The following THSD7A variants were observed in gnomAD, a reference collection of about 807,000 sequenced individuals.
THSD7A encodes the protein thrombospondin type-1 domain-containing protein 7A.
In THSD7A, 96 loss-of-function variants were observed where a neutral mutation model predicts 231.3. The observed-to-expected ratio is 0.41, with a 90% confidence interval of 0.35 to 0.49. THSD7A has a LOEUF of 0.49. Among genes scored for constraint, THSD7A ranks in the 20% least tolerant of loss-of-function variants. THSD7A has a pLI of 0.05. For missense variants in THSD7A, 2,290 were observed against 2,070.2 expected (o/e 1.11, Z -2.06); for synonymous variants, 940 against 743.3 (o/e 1.26, Z -4.30).
At chr7:11,584,028 G>A (rs1791284522) in intron 4 of THSD7A, among the ~76,000 whole-genome samples, 1 of 152,118 alleles carries the variant, frequency 6.6e-6, no homozygotes, top group Non-Finnish European at 1.5e-5. Context: ...GATTAATGAA[G>A]TAATGCAGTA....
At chr7:11,604,674 CTT>C (rs1222189203) in intron 2 of THSD7A, among the ~76,000 whole-genome samples, 1 of 152,096 alleles carries the variant, frequency 6.6e-6, no homozygotes, top group Non-Finnish European at 1.5e-5. Context: ...ATGTTTCTAA[CTT>C]TGGCAATCTT....
intron 1 of THSD7A, among the ~76,000 whole-genome samples, chr7:11,812,171 G>C (rs548088237): frequency 5.9e-5 from 9 of 151,724 alleles, no homozygotes; most frequent in Non-Finnish European, 1.2e-4. Context: ...TGGGGAGAGG[G>C]AGAGAGAGTG....
chr7:11,431,824 A>G (rs1293125472), intron 13 of THSD7A, among the ~76,000 whole-genome samples: 1 of 152,114 alleles, frequency 6.6e-6, no homozygotes, highest in Non-Finnish European at 1.5e-5. Context: ...ATTTCCATTT[A>G]TATAGATCTT....
chr7:11,384,068 G>T (rs1782632342), intron 23 of THSD7A: 1 of 151,808 alleles, frequency 6.6e-6, no homozygotes, highest in Non-Finnish European at 1.5e-5. Context: ...TTTTCCATTT[G>T]TTATGGTGAA....
chr7:11,765,836 C>G (rs1414516827), intron 1 of THSD7A, among the ~76,000 whole-genome samples: 1 of 152,008 alleles, frequency 6.6e-6, no homozygotes, highest in African/African-American at 2.4e-5. Context: ...GAAAATAAAT[C>G]CAATTTTCCT....
intron 11 of THSD7A, among the ~76,000 whole-genome samples, chr7:11,455,514 T>C (rs1171204861): frequency 6.6e-6 from 1 of 152,048 alleles, no homozygotes; most frequent in Non-Finnish European, 1.5e-5. Context: ...TTCAGCATTA[T>C]GCCACTTTTC....
At chr7:11,733,177 T>A (rs1426211330) in intron 1 of THSD7A, among the ~76,000 whole-genome samples, 1 of 151,866 alleles carries the variant, frequency 6.6e-6, no homozygotes, top group Non-Finnish European at 1.5e-5. Context: ...AATCAGTGAA[T>A]TGGTGTTTCC....
chr7:11,423,370 A>ATTT (rs757122867), intron 16 of THSD7A, among the ~76,000 whole-genome samples: 45,653 of 135,932 alleles, frequency 0.34, 7,928 homozygotes, highest in Admixed American at 0.38. Context: ...CGAGTGCTGG[A>ATTT]TTTTTTTTTT....
intron 1 of THSD7A, among the ~76,000 whole-genome samples, chr7:11,795,240 C>T (rs567615933): frequency 6.6e-6 from 1 of 151,990 alleles, no homozygotes; most frequent in African/African-American, 2.4e-5. Context: ...CATATACAAA[C>T]ATGTGTGCAC....
At chr7:11,468,855 GAAT>G (rs1785818779) in intron 9 of THSD7A, among the ~76,000 whole-genome samples, 1 of 151,688 alleles carries the variant, frequency 6.6e-6, no homozygotes, top group South Asian at 2.1e-4. Context: ...ATAAAATAAA[GAAT>G]AATAATAATT....
At chr7:11,679,169 C>G (rs757810791) in intron 1 of THSD7A, among the ~76,000 whole-genome samples, 15 of 152,150 alleles carry the variant, frequency 9.9e-5, no homozygotes, top group Admixed American at 2.6e-4. Flanking sequence ...TAAAAACACT[C>G]AATAAACAAG....
intron 1 of THSD7A, among the ~76,000 whole-genome samples, chr7:11,823,931 G>A (rs1208676638): frequency 6.6e-6 from 1 of 151,686 alleles, no homozygotes. Context: ...CACCAAGAAA[G>A]ACAGACAAGA....
intron 2 of THSD7A, among the ~76,000 whole-genome samples, chr7:11,609,501 G>C (rs1323200140): frequency 6.6e-6 from 1 of 152,218 alleles, no homozygotes; most frequent in African/African-American, 2.4e-5. Context: ...GGCTGACAAA[G>C]AGTAGTGAAC....
chr7:11,422,325 C>T (rs1420189454), intron 16 of THSD7A, among the ~76,000 whole-genome samples: 4 of 151,974 alleles, frequency 2.6e-5, no homozygotes, highest in Non-Finnish European at 5.9e-5. Flanking sequence ...AAATTTAAAC[C>T]TCCTCTTTTA....
intron 2 of THSD7A, among the ~76,000 whole-genome samples, chr7:11,630,853 T>C (rs1241752063): frequency 6.6e-6 from 1 of 152,318 alleles, no homozygotes; most frequent in Non-Finnish European, 1.5e-5. Flanking sequence ...GGTTCTTCAT[T>C]TGAGGAGAAG....
chr7:11,637,037 C>G lies in THSD7A; in HGVS notation c.191-76G>C, dbSNP rs754780590. On this transcript the variant is annotated intron_variant, in intron 1 of 27. Transcript: ENST00000423059. The surrounding 1 kb of genome is among the most constrained non-coding windows in gnomAD (Gnocchi z 4.2). ...AAGTTACTGCACATTCCAGAAAGAC[C>G]TTTCAAGACCTAGTACATTAACTTC... The G allele has an allele frequency of 2.9e-5, 39 of 1,330,270 alleles. No individual in the cohort carries two copies. Among genetic ancestry groups the G allele is most frequent in the Non-Finnish European group, 3.7e-5 (36 of 970,936 alleles). The allele number at this position is 1,330,270 out of a possible 1,614,324, so 82.4% of individuals were successfully genotyped here. A position where few individuals can be genotyped will look rare whatever the true frequency, so the allele number is the denominator to read the frequency against.
intron 6 of THSD7A, among the ~76,000 whole-genome samples, chr7:11,530,033 A>G (rs1460645933): frequency 6.6e-6 from 1 of 152,180 alleles, no homozygotes; most frequent in Non-Finnish European, 1.5e-5. Context: ...GATTTAAGGA[A>G]CTTGCCAAAT....
At chr7:11,816,404 A>G (rs10240867) in intron 1 of THSD7A, among the ~76,000 whole-genome samples, 49,941 of 152,096 alleles carry the variant, frequency 0.33, 8,639 homozygotes, top group East Asian at 0.56. Context: ...TCCTGCCTCA[A>G]TGATGTCATA....
chr7:11,595,362 G>A (rs1780322090), intron 2 of THSD7A, among the ~76,000 whole-genome samples: 1 of 152,138 alleles, frequency 6.6e-6, no homozygotes, highest in African/African-American at 2.4e-5. Flanking sequence ...TGGGGTAATG[G>A]TGGAAGGAAG....
Sources: gnomAD v4.1 joint callset for allele counts (sites outside exome capture counted in the v4.1 genomes callset) on GRCh38, gnomAD v4.1.1 for gene constraint, Gnocchi (gnomAD v3.1) non-coding constraint, MANE v1.5 for transcripts, NCBI Gene and HGNC (gene_info 2026-07-23, HGNC 2026-07-21) for gene names.